The following SRRM2 variants were observed in gnomAD, a reference collection of about 807,000 sequenced individuals.
The protein encoded by SRRM2 is serine/arginine repetitive matrix protein 2.
In SRRM2, 30 loss-of-function variants were observed where a neutral mutation model predicts 213.8. The observed-to-expected ratio is 0.14, with a 90% CI of 0.10 to 0.19. The LOEUF is 0.19. Ranked by LOEUF, SRRM2 falls within the 10% of genes least tolerant of loss-of-function variation. The pLI, the probability that SRRM2 is intolerant of heterozygous loss-of-function variation, is 1.00. For missense variants in SRRM2, 4,904 were observed against 3,647.0 expected (o/e 1.34, Z -8.88); for synonymous variants, 2,025 against 1,377.7 (o/e 1.47, Z -10.40).
rs563699936 is a variant in SRRM2, at chr16:2,766,344, C to T, written c.5816C>T (p.Thr1939Met). 3.7e-6 allele frequency: 6 copies of T among 1,614,188 alleles called. No homozygotes were observed. Among genetic ancestry groups the T allele is most frequent in the East Asian group, 2.2e-5 (1 of 44,880 alleles). ...PVTRRRSRSR[T>M]PTTRRRSRSR... Reference sequence around the variant, plus strand: ...ACCCGCCGTCGTTCAAGGTCTAGAACGCCAACAACACGCCGCCGCTCCCGT... The same window carrying T: ...ACCCGCCGTCGTTCAAGGTCTAGAATGCCAACAACACGCCGCCGCTCCCGT... The change falls in exon 11 of 15, where the codon ACG becomes ATG. Residue 1939 changes from threonine (T) to methionine (M), a missense_variant. By Grantham distance (81) the Thr-to-Met change is moderately conservative. Coordinates refer to ENST00000301740, the MANE Select transcript of SRRM2 (RefSeq NM_016333.4). The surrounding 1 kb of genome is among the most constrained non-coding windows in gnomAD (Gnocchi z 7.0).
At chr16:2,756,678 GGA>G in intron 2 of SRRM2, 72 bp downstream of exon 2, 1 of 1,528,462 alleles carries the variant, frequency 6.5e-7, no homozygotes, top group South Asian at 1.3e-5. Context: ...GGATGTATAG[GGA>G]GCTTAGGGTG....
Position 2,757,534 on chromosome 16 carries a change from A to T in SRRM2, c.305A>T (p.Asp102Val). 6.2e-7 allele frequency: 1 copy of T among 1,614,098 alleles called. No homozygotes were observed. The highest frequency in any genetic ancestry group is 1.7e-5 in the Admixed American group (1 of 60,006). ...TTTCGACTCATGTTGCTGGAGAAGG[A>T]TGTGAACCCTGGGGGCAAGGAGGAG... ...ATFRLMLLEK[D>V]VNPGGKEETP... is the part of the protein sequence containing the mutation. The change falls in exon 3 of 15, where the codon GAT (aspartate) becomes GTT (valine). Residue 102 changes from aspartate (D) to valine (V), a missense_variant. Asp to Val is a radical substitution (Grantham distance 152, BLOSUM62 -3). Transcript: ENST00000301740.
In SRRM2 at chr16:2,765,494, G is replaced by A. The variant is rs745985988; in HGVS notation, c.4966G>A (p.Glu1656Lys). Residue 1656 changes from glutamate to lysine, a missense_variant, in exon 11 of 15, where the codon GAG becomes AAG. Physicochemically the swap from Glu to Lys is moderately conservative, Grantham distance 56. Coordinates refer to ENST00000301740, the MANE Select transcript of SRRM2 (RefSeq NM_016333.4). ...TTCTCCTGAAGGAAGCAGCAGTACC[G>A]AGTCCTCTCCTGAACATCCGCCCAA... ...GPSPEGSSST[E>K]SSPEHPPKSR... 5.6e-6 allele frequency: 9 copies of A among 1,614,000 alleles called. No homozygotes were observed. The highest frequency in any genetic ancestry group is 2.2e-5 in the East Asian group (1 of 44,892).
Position 2,759,395 on chromosome 16 carries a change from C to A in SRRM2, c.733C>A (p.Arg245=), listed in dbSNP as rs138293757. 1.9e-5 allele frequency: 31 copies of A among 1,593,018 alleles called. No homozygotes were observed. The highest frequency in any genetic ancestry group is 4.3e-6 in the Non-Finnish European group (5 of 1,173,174). Reference sequence around the variant, plus strand: ...CAAACGTAAATCTAAGGACAAAAAGCGAAAGCGGTGAGTGAATTTGTGGGG... The same window carrying A: ...CAAACGTAAATCTAAGGACAAAAAGAGAAAGCGGTGAGTGAATTTGTGGGG... ...KSKRKSKDKK[R]KRSRSTTPAP... The change falls in exon 8 of 15, where the codon CGA becomes AGA. Residue 245 remains arginine, a synonymous_variant. Transcript: ENST00000301740.
In SRRM2 at chr16:2,766,764, C is replaced by T; in HGVS notation, c.6236C>T (p.Ser2079Phe). The T allele has an allele frequency of 6.8e-6, 11 of 1,614,206 alleles. No individual in the cohort carries two copies. The highest frequency in any genetic ancestry group is 9.3e-6 in the Non-Finnish European group (11 of 1,180,042). The change falls in exon 11 of 15, where the codon TCT (serine) becomes TTT (phenylalanine). Residue 2079 changes from serine (S) to phenylalanine (F), a missense_variant. Transcript: ENST00000301740. The surrounding 1 kb of genome is among the most constrained non-coding windows in gnomAD (Gnocchi z 7.0). Reference sequence around the variant, plus strand: ...TCTCCTCCAGCCATCCGCAGGCGTTCTGCATCTGGAAGTAGTTCTGATCGT... The same window carrying T: ...TCTCCTCCAGCCATCCGCAGGCGTTTTGCATCTGGAAGTAGTTCTGATCGT... ...TRSPPAIRRRSASGSSSDRSR... is the reference protein window; with the variant it reads ...TRSPPAIRRRFASGSSSDRSR...
chr16:2,758,436 C>T, intron 4 of SRRM2, 34 bp from the exon 5 acceptor site: 1 of 1,534,276 alleles, frequency 6.5e-7, no homozygotes, highest in African/African-American at 1.4e-5. Context: ...GTTTGTTCTA[C>T]CACCCATCTC....
In SRRM2 at chr16:2,763,127, C is replaced by T. The variant is rs752716336; in HGVS notation, c.2599C>T (p.Pro867Ser). 1.2e-5 allele frequency: 20 copies of T among 1,614,060 alleles called. No homozygotes were observed. The highest frequency in any genetic ancestry group is 1.7e-5 in the Admixed American group (1 of 59,994). ...SPQANEQSVT[P>S]QRRSCFESSP... ...CCAGGCCAATGAGCAATCTGTAACG[C>T]CACAGAGACGGAGCTGTTTTGAATC... Residue 867 changes from proline (P) to serine (S), a missense_variant, in exon 11 of 15, where the codon CCA becomes TCA. By Grantham distance (74) the Pro-to-Ser change is moderately conservative. Coordinates refer to ENST00000301740, the MANE Select transcript of SRRM2 (RefSeq NM_016333.4).
intron 1 of SRRM2, among the ~76,000 whole-genome samples, chr16:2,754,914 G>A (rs1294288494): frequency 6.6e-6 from 1 of 152,144 alleles, no homozygotes; most frequent in African/African-American, 2.4e-5. Context: ...GTCTGCTACT[G>A]GGCTTGGGTA....
At position 2,769,144 on chromosome 16, in the gene SRRM2, T is replaced by G. The variant is rs555394813; in HGVS notation, c.7881T>G (p.Ser2627=). 6.2e-7 allele frequency: 1 copy of G among 1,608,658 alleles called. No homozygotes were observed. The highest frequency in any genetic ancestry group is 1.3e-5 in the African/African-American group (1 of 74,732). The part of the protein sequence containing the change: ...SSSSSSSSSS[S]SSSSSSSSSS... ...CCTCCTCCTCCTCCTCCTCCTCTTC[T>G]TCCTCCTCCTCTTCCTCTTCTTCTT... Residue 2627 remains serine, a synonymous_variant, in exon 12 of 15, where the codon TCT becomes TCG. Coordinates refer to ENST00000301740, the MANE Select transcript of SRRM2 (RefSeq NM_016333.4).
chr16:2,754,666 G>C (rs1398779022), intron 1 of SRRM2, among the ~76,000 whole-genome samples: 1 of 152,176 alleles, frequency 6.6e-6, no homozygotes, highest in African/African-American at 2.4e-5. Flanking sequence ...TTAAGCTGAA[G>C]AATTAAGTGC....
Position 2,766,568 on chromosome 16 carries a change from A to C in SRRM2, c.6040A>C (p.Thr2014Pro), listed in dbSNP as rs1444258418. ...GTCCCGCTCTCGAACCTCACCAGTG[A>C]CACGCCGCCGCTCTAGGTCCCGGAC... ...RRSRSRTSPV[T>P]RRRSRSRTPP... Residue 2014 changes from threonine to proline, a missense_variant, in exon 11 of 15, where the codon ACA (threonine) becomes CCA (proline). Transcript: ENST00000301740. This position sits in a 1 kb window ranked among gnomAD's most constrained non-coding sequence, Gnocchi z 7.0. 10 of 1,613,972 alleles carry C rather than the reference A, an allele frequency of 6.2e-6. No individual in the cohort carries two copies. Among genetic ancestry groups the C allele is most frequent in the East Asian group, 2.2e-5 (1 of 44,886 alleles).
chr16:2,764,242 A>G lies in SRRM2; in HGVS notation c.3714A>G (p.Leu1238=), dbSNP rs1009113337. The change falls in exon 11 of 15, where the codon TTA becomes TTG. Residue 1238 remains leucine (L), a synonymous_variant. Transcript: ENST00000301740. The part of the protein sequence containing the change: ...ALPTSSQDEE[L]MEVVEKSEEP... ...CTACGTCAAGCCAAGATGAAGAGTT[A>G]ATGGAGGTGGTAGAGAAGTCTGAAG... 6.2e-7 allele frequency: 1 copy of G among 1,613,992 alleles called. No homozygotes were observed. The highest frequency in any genetic ancestry group is 8.5e-7 in the Non-Finnish European group (1 of 1,180,016).
In SRRM2 at chr16:2,768,238, G is replaced by A; in HGVS notation, c.7710G>A (p.Val2570=). 1 of 1,564,692 alleles carries A rather than the reference G, an allele frequency of 6.4e-7. No homozygotes were observed. Among genetic ancestry groups the A allele is most frequent in the Non-Finnish European group, 8.6e-7 (1 of 1,156,442 alleles). Reference sequence around the variant, plus strand: ...ACTCAGAGGGCTCTAGCCTTCCTGTGCAACCTGAGGTGGCACTGAAGAGGT... The same window carrying A: ...ACTCAGAGGGCTCTAGCCTTCCTGTACAACCTGAGGTGGCACTGAAGAGGT... ...SSDSEGSSLP[V]QPEVALKRVP... Residue 2570 remains valine (V), a synonymous_variant, in exon 11 of 15, where the codon GTG becomes GTA. Coordinates refer to ENST00000301740, the MANE Select transcript of SRRM2 (RefSeq NM_016333.4).
Position 2,763,389 on chromosome 16 carries a change from C to T in SRRM2, c.2861C>T (p.Ser954Phe). 6.2e-7 allele frequency: 1 copy of T among 1,614,240 alleles called. No homozygotes were observed. The highest frequency in any genetic ancestry group is 8.5e-7 in the Non-Finnish European group (1 of 1,180,048). ...RTTPRRSRSVSPCSNVESRLL... is the reference protein window; with the variant it reads ...RTTPRRSRSVFPCSNVESRLL... ...ACTCCACGGCGAAGCAGATCAGTAT[C>T]TCCCTGCTCCAATGTGGAATCCAGA... The change falls in exon 11 of 15, where the codon TCT (serine) becomes TTT (phenylalanine). Residue 954 changes from serine (S) to phenylalanine (F), a missense_variant. Transcript: ENST00000301740.
At chr16:2,768,757 A>G in intron 11 of SRRM2, 1 of 771,748 alleles carries the variant, frequency 1.3e-6, no homozygotes, top group Non-Finnish European at 2.2e-6. Context: ...TCCATCAGGG[A>G]CATTCTTGAG....
At position 2,764,707 on chromosome 16, in the gene SRRM2, G is replaced by A; in HGVS notation, c.4179G>A (p.Lys1393=). The A allele has an allele frequency of 6.2e-7, 1 of 1,614,098 alleles. No individual in the cohort carries two copies. The highest frequency in any genetic ancestry group is 1.1e-5 in the South Asian group (1 of 91,092). Residue 1393 remains lysine, a synonymous_variant, in exon 11 of 15, where the codon AAG becomes AAA. Coordinates refer to ENST00000301740, the MANE Select transcript of SRRM2 (RefSeq NM_016333.4). ...SSELSPDAVE[K]AGMSSNQSIS... is the part of the protein sequence containing the mutation. ...AGTTATCCCCAGATGCAGTGGAAAA[G>A]GCAGGGATGTCTTCAAATCAGAGCA... is the stretch of plus-strand genomic sequence containing the variant.
In SRRM2 at chr16:2,766,824, A is replaced by G; in HGVS notation, c.6296A>G (p.His2099Arg). The G allele has an allele frequency of 1.2e-6, 2 of 1,614,130 alleles. No individual in the cohort carries two copies. Among genetic ancestry groups the G allele is most frequent in the Admixed American group, 1.7e-5 (1 of 60,026 alleles). ...RSATPPATRN[H>R]SGSRTPPVAL... Reference sequence around the variant, plus strand: ...GCTACTCCTCCAGCAACAAGAAATCATTCTGGTTCACGGACACCTCCAGTA... The same window carrying G: ...GCTACTCCTCCAGCAACAAGAAATCGTTCTGGTTCACGGACACCTCCAGTA... The change falls in exon 11 of 15, where the codon CAT becomes CGT. Residue 2099 changes from histidine to arginine, a missense_variant. His to Arg is a conservative substitution (Grantham distance 29). Coordinates refer to ENST00000301740, the MANE Select transcript of SRRM2 (RefSeq NM_016333.4). This position sits in a 1 kb window ranked among gnomAD's most constrained non-coding sequence, Gnocchi z 7.0.
At position 2,752,758 on chromosome 16, in the gene SRRM2, C is replaced by G. The variant is rs762078218; in HGVS notation, c.-120C>G. 1 of 359,890 alleles carries G rather than the reference C, an allele frequency of 2.8e-6. No individual in the cohort carries two copies. Among genetic ancestry groups the G allele is most frequent in the South Asian group, 1.9e-5 (1 of 53,808 alleles). 22.3% of individuals were successfully genotyped at this position (359,890 alleles called of 1,614,324 possible). ...AGGCGGGCGGACCGGCGAGGCGAGG[C>G]GGCGGCCCCAGGCCCGAGGGACTCG... On this transcript the variant is annotated 5_prime_UTR_variant, in exon 1 of 15. Coordinates refer to ENST00000301740, the MANE Select transcript of SRRM2 (RefSeq NM_016333.4).
Position 2,769,022 on chromosome 16 carries a change from A to C in SRRM2, c.7759A>C (p.Lys2587Gln), listed in dbSNP as rs780143672. 5.0e-6 allele frequency: 8 copies of C among 1,613,796 alleles called. No homozygotes were observed. Among genetic ancestry groups the C allele is most frequent in the African/African-American group, 4.0e-5 (3 of 74,872 alleles). The change falls in exon 12 of 15, where the codon AAG becomes CAG. Residue 2587 changes from lysine to glutamine, a missense_variant. Physicochemically the swap from Lys to Gln is moderately conservative, Grantham distance 53. Transcript: ENST00000301740. ...GGTCCCCAGCCCCACCCCAGCCCCA[A>C]AGGAGGCTGTTCGAGAGGGACGTCC... Reference protein sequence around the residue: ...KRVPSPTPAPKEAVREGRPPE... With the variant: ...KRVPSPTPAPQEAVREGRPPE...
Sources: allele counts gnomAD v4.1 joint callset (sites outside exome capture counted in the v4.1 genomes callset), GRCh38; gene constraint gnomAD v4.1.1; non-coding constraint Gnocchi (gnomAD v3.1); transcripts MANE v1.5; gene names NCBI Gene and HGNC (gene_info 2026-07-23, HGNC 2026-07-21).